Variants in CCDC68 observed in about 807,000 individuals in gnomAD.
CCDC68 encodes coiled-coil domain-containing protein 68.
A neutral mutation model predicts 47.1 loss-of-function variants in CCDC68; 45 were observed. The observed-to-expected ratio is 0.96, with a 90% confidence interval of 0.75 to 1.23. The LOEUF is 1.23. CCDC68 is among the 50% of genes most tolerant of loss of function. The pLI is 0.00. For synonymous variants in CCDC68, 131 were observed against 129.5 expected (o/e 1.01, Z -0.08); for missense variants, 353 against 373.6 (o/e 0.94, Z 0.45).
chr18:54,955,261 G>C (rs1357932106), intron 1 of CCDC68, among the ~76,000 whole-genome samples: 2 of 152,152 alleles, frequency 1.3e-5, no homozygotes, highest in African/African-American at 4.8e-5. Flanking sequence ...GGAGTTTGAG[G>C]CTTCAGTGAG....
intron 6 of CCDC68, among the ~76,000 whole-genome samples, chr18:54,936,508 C>T (rs2044351733): frequency 6.6e-6 from 1 of 151,904 alleles, no homozygotes; most frequent in African/African-American, 2.4e-5. Flanking sequence ...AGCGAGTCAA[C>T]GGCAGAGCCC....
intron 7 of CCDC68, among the ~76,000 whole-genome samples, chr18:54,931,077 GATA>G (rs761200277): frequency 1.2e-4 from 18 of 151,996 alleles, no homozygotes; most frequent in South Asian, 4.2e-4. Flanking sequence ...ACACACCACA[GATA>G]ATGTATTTTG....
intron 7 of CCDC68, among the ~76,000 whole-genome samples, chr18:54,931,302 A>AATG (rs1214249805): frequency 2.0e-5 from 3 of 152,216 alleles, no homozygotes; most frequent in Admixed American, 1.3e-4. Context: ...CTTCTCAGGC[A>AATG]ATGTCTTCAG....
At position 54,902,051 on chromosome 18, in the gene CCDC68, A is replaced by G. The variant is rs891051016; in HGVS notation, c.*2307T>C. 7 of 152,198 alleles carry G rather than the reference A, an allele frequency of 4.6e-5. No homozygotes were observed. The highest frequency in any genetic ancestry group is 4.6e-4 in the Admixed American group (7 of 15,284). 9.4% of individuals were successfully genotyped at this position (152,198 alleles called of 1,614,324 possible). On this transcript the variant is annotated 3_prime_UTR_variant, in exon 12 of 12. Transcript: ENST00000591504. ...TCGTTTAGTTTTGGGAAGGGCTATT[A>G]TAATTTAACCTATAAAGTAAATTTC... is the stretch of plus-strand genomic sequence containing the variant.
chr18:54,947,919 T>C (rs1316939132), intron 1 of CCDC68, among the ~76,000 whole-genome samples: 2 of 152,346 alleles, frequency 1.3e-5, no homozygotes, highest in East Asian at 3.9e-4. Flanking sequence ...CTAACATCTA[T>C]TGAAGAGTTT....
chr18:54,923,018 A>G (rs1475554468), intron 8 of CCDC68, among the ~76,000 whole-genome samples: 2 of 151,060 alleles, frequency 1.3e-5, no homozygotes, highest in African/African-American at 2.4e-5. Flanking sequence ...AAAAAAGATC[A>G]AAACACAGAG....
chr18:54,904,536 T>C (rs1913872694), intron 11 of CCDC68, 121 bp from the exon 12 acceptor site: 1 of 744,102 alleles, frequency 1.3e-6, no homozygotes, highest in African/African-American at 1.8e-5. Context: ...ACTGCTTTGT[T>C]CTAAGAGATG....
Position 54,928,800 on chromosome 18 carries a change from C to A in CCDC68, c.683G>T (p.Ser228Ile). Residue 228 changes from serine to isoleucine, a missense_variant and splice_region_variant, in exon 8 of 12, where the codon AGT becomes ATT. By Grantham distance (142) the Ser-to-Ile change is moderately radical (BLOSUM62 -2). Coordinates refer to ENST00000591504, the MANE Select transcript of CCDC68 (RefSeq NM_025214.3). ...TTACTTAACAGGTAGCTTCACAAAC[C>A]TTTTTCCATATGTAGCACTGGATTT... ...QLKSSATYGK[S>I]CQDLQREISI... is the part of the protein sequence containing the mutation. 6.2e-7 allele frequency: 1 copy of A among 1,606,444 alleles called. No homozygotes were observed. The highest frequency in any genetic ancestry group is 8.5e-7 in the Non-Finnish European group (1 of 1,173,268).
intron 8 of CCDC68, 132 bp from the exon 9 acceptor site, chr18:54,919,508 T>C: frequency 1.5e-6 from 1 of 681,464 alleles, no homozygotes; most frequent in Non-Finnish European, 2.6e-6. Context: ...CGGGGCCCCA[T>C]TATGCCACAT....
chr18:54,917,549 C>A (rs1226321552), intron 10 of CCDC68, among the ~76,000 whole-genome samples: 1 of 152,070 alleles, frequency 6.6e-6, no homozygotes, highest in African/African-American at 2.4e-5. Context: ...AATTTAATAA[C>A]AATACAATCT....
At chr18:54,938,531 TC>T (rs1379670427) in intron 4 of CCDC68, among the ~76,000 whole-genome samples, 3 of 152,228 alleles carry the variant, frequency 2.0e-5, no homozygotes, top group Non-Finnish European at 4.4e-5. Flanking sequence ...TGTAATTACC[TC>T]ATATTAAATT....
At position 54,904,462 on chromosome 18, in the gene CCDC68, T is replaced by C. The variant is rs565390979; in HGVS notation, c.951-47A>G. ...GATCAAAATGGAGAATGTTAAACTC[T>C]AGTGATTATGGCTAGACTACCATAC... On this transcript the variant is annotated intron_variant, in intron 11 of 11. Coordinates refer to ENST00000591504, the MANE Select transcript of CCDC68 (RefSeq NM_025214.3). The C allele has an allele frequency of 5.5e-6, 8 of 1,461,056 alleles. No individual in the cohort carries two copies. The Admixed American group carries it at 1.3e-4, about 25-fold the overall frequency. The allele number at this position is 1,461,056 out of a possible 1,614,324, so 90.5% of individuals were successfully genotyped here. A position where few individuals can be genotyped will look rare whatever the true frequency, so the allele number is the denominator to read the frequency against.
intron 5 of CCDC68, chr18:54,937,293 T>C (rs1306828014): frequency 4.8e-6 from 1 of 206,524 alleles, no homozygotes; most frequent in African/African-American, 2.3e-5. Flanking sequence ...CCTTTTATCA[T>C]TAATGTCCAT....
At chr18:54,947,367 C>G (rs1212419987) in intron 1 of CCDC68, among the ~76,000 whole-genome samples, 1 of 152,202 alleles carries the variant, frequency 6.6e-6, no homozygotes, top group Non-Finnish European at 1.5e-5. Context: ...GCCACCTCAA[C>G]TTCAACCACC....
At chr18:54,955,806 C>A (rs1040315189) in intron 1 of CCDC68, among the ~76,000 whole-genome samples, 1 of 152,138 alleles carries the variant, frequency 6.6e-6, no homozygotes, top group African/African-American at 2.4e-5. Flanking sequence ...CAACCTCCAC[C>A]TCCCAGGTTC....
intron 3 of CCDC68, 100 bp downstream of exon 3, chr18:54,942,575 T>C: frequency 1.4e-6 from 1 of 693,378 alleles, no homozygotes; most frequent in Non-Finnish European, 2.5e-6. Flanking sequence ...GTTGTTCCTT[T>C]ACATATGTTC....
chr18:54,909,193 A>T (rs1206106033), intron 10 of CCDC68, among the ~76,000 whole-genome samples: 1 of 152,068 alleles, frequency 6.6e-6, no homozygotes, highest in African/African-American at 2.4e-5. Context: ...ATGGTTAGGG[A>T]TCATGAGCAA....
At chr18:54,917,389 A>G (rs1451030361) in intron 10 of CCDC68, among the ~76,000 whole-genome samples, 1 of 152,186 alleles carries the variant, frequency 6.6e-6, no homozygotes, top group Non-Finnish European at 1.5e-5. Flanking sequence ...AAATTTACAC[A>G]AGAGTAGATT....
rs562337403 is a variant in CCDC68, at chr18:54,936,930, G to A, written c.374C>T (p.Ala125Val). The A allele has an allele frequency of 4.3e-6, 7 of 1,614,082 alleles. No homozygotes were observed. In the South Asian group the frequency reaches 6.6e-5, roughly 15 times the overall value. ...TCTCTGGGCCACGTTTCTCAGAGCT[G>A]CTGCTCCTGCTTCTCTGGAGGCTTG... is the stretch of plus-strand genomic sequence containing the variant. The part of the protein sequence containing the change: ...KLQASREAGA[A>V]ALRNVAQRLF... Residue 125 changes from alanine to valine, a missense_variant, in exon 6 of 12, where the codon GCA becomes GTA. Physicochemically the swap from Ala to Val is moderately conservative, Grantham distance 64 (BLOSUM62 0). Coordinates refer to ENST00000591504, the MANE Select transcript of CCDC68 (RefSeq NM_025214.3).
Sources: gnomAD v4.1 joint callset for allele counts (sites outside exome capture counted in the v4.1 genomes callset) on GRCh38, gnomAD v4.1.1 for gene constraint, MANE v1.5 for transcripts, NCBI Gene and HGNC (gene_info 2026-07-23, HGNC 2026-07-21) for gene names.